Variants in NCK1 observed in about 807,000 individuals in gnomAD.
NCK1 encodes NCK adaptor protein 1.
In NCK1, 19 loss-of-function variants were observed where a neutral mutation model predicts 36.6. The ratio of observed to expected loss-of-function variants is 0.52; its 90% CI spans 0.36 to 0.76. The LOEUF (loss-of-function observed/expected upper bound fraction) is 0.76. Ranked by LOEUF, NCK1 falls within the 30% of genes least tolerant of loss-of-function variation. The pLI is 0.00. For missense variants in NCK1, 358 were observed against 445.6 expected, an observed-to-expected ratio of 0.80 and a Z score of 1.77; for synonymous variants, 165 against 156.0, an observed-to-expected ratio of 1.06 and a Z score of -0.43.
intron 1 of NCK1, among the ~76,000 whole-genome samples, chr3:136,882,546 ACT>A (rs1938970466): frequency 9.3e-6 from 1 of 107,074 alleles, no homozygotes; most frequent in Non-Finnish European, 2.0e-5. Context: ...TTCCCACATC[ACT>A]GTGTGTGTGT....
At chr3:136,891,714 A>G (rs1234494838) in intron 1 of NCK1, among the ~76,000 whole-genome samples, 3 of 152,134 alleles carry the variant, frequency 2.0e-5, no homozygotes, top group African/African-American at 7.2e-5. Flanking sequence ...TTCTGTCATC[A>G]TCATTTTTTT....
At chr3:136,935,162 A>C (rs1277681550) in intron 2 of NCK1, among the ~76,000 whole-genome samples, 1 of 152,128 alleles carries the variant, frequency 6.6e-6, no homozygotes, top group East Asian at 1.9e-4. Flanking sequence ...CGGCCTCCCA[A>C]AATGCTGGGA....
intron 1 of NCK1, among the ~76,000 whole-genome samples, chr3:136,926,132 C>T: frequency 6.6e-6 from 1 of 151,862 alleles, no homozygotes; most frequent in East Asian, 1.9e-4. Context: ...TCAGTGAATG[C>T]CTCTTCATGT....
At chr3:136,893,191 T>TACACACACAC (rs1204636247) in intron 1 of NCK1, among the ~76,000 whole-genome samples, 2 of 38,832 alleles carry the variant, frequency 5.2e-5, no homozygotes, top group African/African-American at 8.7e-5. Context: ...TATATATATA[T>TACACACACAC]ACACACATGT....
intron 1 of NCK1, among the ~76,000 whole-genome samples, chr3:136,870,687 TAAA>T (rs11332327): frequency 1.1e-4 from 13 of 123,366 alleles, no homozygotes; most frequent in Admixed American, 5.0e-4. Context: ...CTATAGTCTT[TAAA>T]AAAAAAAAAA....
At chr3:136,879,331 T>C (rs1246395163) in intron 1 of NCK1, among the ~76,000 whole-genome samples, 1 of 152,058 alleles carries the variant, frequency 6.6e-6, no homozygotes, top group Admixed American at 6.6e-5. Context: ...TCAAGAAAAA[T>C]TCCCAGAATC....
At chr3:136,879,921 A>G (rs1275325449) in intron 1 of NCK1, among the ~76,000 whole-genome samples, 2 of 150,900 alleles carry the variant, frequency 1.3e-5, no homozygotes, top group African/African-American at 2.4e-5. Flanking sequence ...CAGCAAACCA[A>G]CGTGGCACGT....
chr3:136,905,781 C>T (rs990003133), intron 1 of NCK1, among the ~76,000 whole-genome samples: 5 of 151,848 alleles, frequency 3.3e-5, no homozygotes, highest in African/African-American at 1.2e-4. Context: ...CATGCCACCA[C>T]ACCTGGTTAA....
chr3:136,913,869 C>T (rs1438261990), intron 1 of NCK1, among the ~76,000 whole-genome samples: 2 of 152,138 alleles, frequency 1.3e-5, no homozygotes, highest in Non-Finnish European at 2.9e-5. Flanking sequence ...GGGGTTTCAC[C>T]GTGTTAGCCA....
intron 2 of NCK1, among the ~76,000 whole-genome samples, chr3:136,944,110 AC>A (rs66900682): frequency 0.24 from 18,646 of 78,526 alleles, 4,042 homozygotes; most frequent in Middle Eastern, 0.36. Flanking sequence ...AGGAAAAACA[AC>A]CTTTTTTTTT....
At chr3:136,907,595 C>T (rs1939718636) in intron 1 of NCK1, among the ~76,000 whole-genome samples, 3 of 152,168 alleles carry the variant, frequency 2.0e-5, no homozygotes, top group African/African-American at 7.2e-5. Context: ...TGTCTTGCCT[C>T]CTCCTCCTTT....
intron 1 of NCK1, chr3:136,900,040 AATTG>A (rs1488276323): frequency 3.4e-6 from 2 of 591,918 alleles, no homozygotes; most frequent in Non-Finnish European, 6.2e-6. Context: ...AACTGTGAGT[AATTG>A]ATTGGTTTCT....
intron 1 of NCK1, among the ~76,000 whole-genome samples, chr3:136,898,130 T>G (rs1939437480): frequency 6.6e-6 from 1 of 152,156 alleles, no homozygotes; most frequent in South Asian, 2.1e-4. Context: ...GTGCAGTGGC[T>G]CACACCTGTA....
intron 1 of NCK1, among the ~76,000 whole-genome samples, chr3:136,915,560 A>G (rs988603498): frequency 6.6e-6 from 1 of 152,144 alleles, no homozygotes; most frequent in Non-Finnish European, 1.5e-5. Flanking sequence ...ATAAACTTTA[A>G]TAGGGCTGTA....
intron 1 of NCK1, among the ~76,000 whole-genome samples, chr3:136,900,412 C>G (rs909651410): frequency 6.6e-6 from 1 of 152,010 alleles, no homozygotes; most frequent in Non-Finnish European, 1.5e-5. Context: ...TGTTTGGGCT[C>G]CTTTTTGGTT....
At chr3:136,901,315 A>T (rs1272222650) in intron 1 of NCK1, among the ~76,000 whole-genome samples, 2 of 147,768 alleles carry the variant, frequency 1.4e-5, no homozygotes, top group Admixed American at 6.7e-5. Flanking sequence ...GTATTTTGAG[A>T]ATTTTTATCT....
intron 1 of NCK1, among the ~76,000 whole-genome samples, chr3:136,890,117 G>A (rs954887742): frequency 2.6e-5 from 4 of 152,198 alleles, no homozygotes; most frequent in Non-Finnish European, 4.4e-5. Flanking sequence ...CAGGCATGGC[G>A]GGCTGCAGGT....
chr3:136,906,525 C>T (rs1025436972), intron 1 of NCK1, among the ~76,000 whole-genome samples: 10 of 152,174 alleles, frequency 6.6e-5, no homozygotes, highest in African/African-American at 2.4e-4. Flanking sequence ...TGTATGCTGG[C>T]ACCAGTGTTA....
intron 1 of NCK1, among the ~76,000 whole-genome samples, chr3:136,867,694 A>T (rs1396992156): frequency 6.6e-6 from 1 of 152,172 alleles, no homozygotes; most frequent in Non-Finnish European, 1.5e-5. Flanking sequence ...AAACTGAAAT[A>T]CAAATAGACT....
Sources: allele counts gnomAD v4.1 joint callset (sites outside exome capture counted in the v4.1 genomes callset), GRCh38; gene constraint gnomAD v4.1.1; transcripts MANE v1.5; gene names NCBI Gene and HGNC (gene_info 2026-07-23, HGNC 2026-07-21).